Variants in AMMECR1 observed in about 807,000 individuals in gnomAD.
AMMECR1 encodes the protein nuclear protein AMMECR1.
In AMMECR1, 3 loss-of-function variants were observed where a neutral mutation model predicts 22.5. That is an observed-to-expected ratio of 0.13 (90% CI 0.06 to 0.35). AMMECR1 has a LOEUF of 0.35. AMMECR1 is among the 10% of genes least tolerant of loss of function. AMMECR1 has a pLI of 1.00. For synonymous variants in AMMECR1, 130 were observed against 116.7 expected (o/e 1.11, Z -0.74); for missense variants, 235 against 278.7 (o/e 0.84, Z 1.12).
intron 2 of AMMECR1, among the ~76,000 whole-genome samples, chrX:110,371,939 T>G (rs1373421107): frequency 9.0e-6 from 1 of 111,642 alleles, no homozygotes; most frequent in Non-Finnish European, 1.9e-5. Context: ...CACTTCCCTG[T>G]TGAATATGCT....
chrX:110,417,005 G>A (rs888502805), intron 2 of AMMECR1, among the ~76,000 whole-genome samples: 1 of 112,370 alleles, frequency 8.9e-6, no homozygotes, highest in Non-Finnish European at 1.9e-5. Context: ...ACAGCTAGGC[G>A]CTGGGTGGCG....
upstream of AMMECR1, among the ~76,000 whole-genome samples, chrX:110,320,075 C>A (rs957747186): frequency 1.8e-5 from 2 of 111,993 alleles, no homozygotes; most frequent in Non-Finnish European, 3.8e-5. Flanking sequence ...TTTAATTGGT[C>A]GGTGATATGT....
At chrX:110,384,836 A>G (rs1017285421) in intron 2 of AMMECR1, among the ~76,000 whole-genome samples, 13 of 110,896 alleles carry the variant, frequency 1.2e-4, no homozygotes, top group African/African-American at 4.3e-4. Flanking sequence ...AATGGGCAGA[A>G]TAAAGAGGTG....
At chrX:110,397,773 G>C (rs971181696) in intron 2 of AMMECR1, among the ~76,000 whole-genome samples, 1 of 112,154 alleles carries the variant, frequency 8.9e-6, no homozygotes, top group Non-Finnish European at 1.9e-5. Flanking sequence ...CCTGCTACAA[G>C]AGCAGAGATG....
At chrX:110,210,333 C>T (rs1442324688) in intron 3 of AMMECR1, among the ~76,000 whole-genome samples, 2 of 110,203 alleles carry the variant, frequency 1.8e-5, no homozygotes, top group Non-Finnish European at 3.8e-5. Context: ...AAAAACTCAA[C>T]GTCCCTGGGA....
chrX:110,400,154 C>T (rs1455966890), intron 2 of AMMECR1, among the ~76,000 whole-genome samples: 1 of 107,696 alleles, frequency 9.3e-6, no homozygotes, highest in African/African-American at 3.4e-5. Context: ...TAATCTCTTA[C>T]ACACACATTT....
intron 1 of AMMECR1, among the ~76,000 whole-genome samples, chrX:110,279,507 A>G (rs1043178047): frequency 7.1e-5 from 8 of 112,030 alleles, no homozygotes; most frequent in Non-Finnish European, 1.5e-4. Context: ...AATAAAAGGT[A>G]GCTCTCTTTC....
chrX:110,222,698 A>C (rs1364336774), intron 2 of AMMECR1, among the ~76,000 whole-genome samples: 1 of 110,512 alleles, frequency 9.0e-6, no homozygotes, highest in Non-Finnish European at 1.9e-5. Flanking sequence ...AGCTGAAAAA[A>C]GAAGTAGGAG....
At chrX:110,403,514 G>A (rs1004946562) in intron 2 of AMMECR1, among the ~76,000 whole-genome samples, 3 of 110,661 alleles carry the variant, frequency 2.7e-5, no homozygotes, top group African/African-American at 9.9e-5. Context: ...CTCCAAACAC[G>A]TCCATGATAC....
intron 2 of AMMECR1, among the ~76,000 whole-genome samples, chrX:110,239,593 T>C (rs1569384159): frequency 9.0e-6 from 1 of 111,460 alleles, no homozygotes; most frequent in Non-Finnish European, 1.9e-5. Context: ...TACCTGAAAG[T>C]GACAGAAAGA....
intron 2 of AMMECR1, among the ~76,000 whole-genome samples, chrX:110,217,019 A>G (rs1409408256): frequency 9.1e-6 from 1 of 110,271 alleles, no homozygotes; most frequent in Non-Finnish European, 1.9e-5. Context: ...TGCTGGTGGC[A>G]GTAAAATTAT....
intron 3 of AMMECR1, among the ~76,000 whole-genome samples, chrX:110,204,188 A>T (rs982166259): frequency 2.7e-5 from 3 of 110,359 alleles, no homozygotes; most frequent in Admixed American, 9.6e-5. Flanking sequence ...GTAGCTTTGA[A>T]TTTTTTTTTC....
chrX:110,385,723 G>A (rs1368808551), intron 2 of AMMECR1, among the ~76,000 whole-genome samples: 2 of 111,743 alleles, frequency 1.8e-5, no homozygotes, highest in Non-Finnish European at 3.8e-5. Flanking sequence ...TGCTACATGG[G>A]TATATTGCAT....
chrX:110,338,256 G>GA (rs1218080775), intron 2 of AMMECR1, among the ~76,000 whole-genome samples: 1 of 112,218 alleles, frequency 8.9e-6, no homozygotes, highest in African/African-American at 3.2e-5. Context: ...AGACATTTGA[G>GA]AAAAAAGAAG....
chrX:110,357,758 C>T (rs2068237765), intron 2 of AMMECR1, among the ~76,000 whole-genome samples: 1 of 111,742 alleles, frequency 8.9e-6, no homozygotes, highest in Admixed American at 9.5e-5. Flanking sequence ...AAATACTATG[C>T]TCTTCCCTGT....
chrX:110,259,609 A>G (rs994236418), intron 2 of AMMECR1, among the ~76,000 whole-genome samples: 1 of 105,808 alleles, frequency 9.5e-6, no homozygotes, highest in African/African-American at 3.5e-5. Flanking sequence ...TTTTTTTTTA[A>G]GAGATGGAGT....
intron 2 of AMMECR1, among the ~76,000 whole-genome samples, chrX:110,223,020 G>A (rs2067512515): frequency 8.9e-6 from 1 of 111,859 alleles, no homozygotes; most frequent in Non-Finnish European, 1.9e-5. Flanking sequence ...AAAATTCCCT[G>A]TGAGCTGCCA....
chrX:110,317,043 C>T (rs559491924), intron 1 of AMMECR1, among the ~76,000 whole-genome samples: 1 of 111,963 alleles, frequency 8.9e-6, no homozygotes, highest in East Asian at 2.8e-4. Flanking sequence ...AAACCTCCCC[C>T]CTTCCCAGGG....
intron 2 of AMMECR1, among the ~76,000 whole-genome samples, chrX:110,368,767 G>T (rs984865047): frequency 1.8e-5 from 2 of 111,690 alleles, no homozygotes; most frequent in Non-Finnish European, 3.8e-5. Context: ...TATCCCTAGT[G>T]TGTAATGTGG....
Sources: gnomAD v4.1 joint callset for allele counts (sites outside exome capture counted in the v4.1 genomes callset) on GRCh38, gnomAD v4.1.1 for gene constraint, MANE v1.5 for transcripts, NCBI Gene and HGNC (gene_info 2026-07-23, HGNC 2026-07-21) for gene names.